MGAT4A: variants seen among roughly 807,000 people sequenced by gnomAD.
MGAT4A encodes the protein N-acetylglucosaminyltransferase IVa.
MGAT4A carries 33 observed loss-of-function variants against 74.1 expected under a neutral mutation model. The ratio of observed to expected loss-of-function variants is 0.45; its 90% CI spans 0.34 to 0.60. MGAT4A has a LOEUF of 0.60. Among genes scored for constraint, MGAT4A ranks in the 20% least tolerant of loss-of-function variants. MGAT4A has a pLI of 0.02. For synonymous variants in MGAT4A, 198 were observed against 210.4 expected (o/e 0.94, Z 0.51); for missense variants, 479 against 628.3 (o/e 0.76, Z 2.54).
chr2:98,671,943 C>CAAAAAA lies in MGAT4A; in HGVS notation c.403+3086_403+3091dup, dbSNP rs59955000. Among the ~76,000 whole-genome samples the CAAAAAA allele has an allele frequency of 2.4e-4, 7 of 28,636 alleles. 1 individual carries two copies. The highest frequency in any genetic ancestry group is 4.5e-4 in the Non-Finnish European group (7 of 15,530). The allele number at this position is 28,636 out of a possible 152,430, so 18.8% of individuals were successfully genotyped here. ...AGGCCACAAAGTAATGTGGAAAAGG[C>CAAAAAA]AAAAAAAAAAAAAAAAAAAAAAAAA... On this transcript the variant is annotated intron_variant, in intron 4 of 15. Transcript: ENST00000393487.
At chr2:98,642,785 G>A (rs970795035) in intron 10 of MGAT4A, among the ~76,000 whole-genome samples, 1 of 152,192 alleles carries the variant, frequency 6.6e-6, no homozygotes, top group Non-Finnish European at 1.5e-5. Flanking sequence ...TCGGAAAACA[G>A]ATACTCTGCC....
intron 12 of MGAT4A, among the ~76,000 whole-genome samples, chr2:98,637,121 G>GCAA (rs1701334306): frequency 6.6e-6 from 1 of 151,990 alleles, no homozygotes; most frequent in Non-Finnish European, 1.5e-5. Flanking sequence ...ACCAGCCTGG[G>GCAA]CAACACAGTG....
chr2:98,640,109 T>C lies in MGAT4A; in HGVS notation c.1128+12A>G, dbSNP rs1440266759. On this transcript the variant is annotated intron_variant, in intron 11 of 15. Coordinates refer to ENST00000393487, the MANE Select transcript of MGAT4A (RefSeq NM_012214.3). ...TTGTATGTTCATGAGAAAATAAAATTAAGTCACCAACCGTGAGTTTTTGGA... is the reference window on the plus strand; with the variant it reads ...TTGTATGTTCATGAGAAAATAAAATCAAGTCACCAACCGTGAGTTTTTGGA... The C allele has an allele frequency of 6.3e-7, 1 of 1,590,250 alleles. No individual in the cohort carries two copies. The highest frequency in any genetic ancestry group is 1.4e-5 in the African/African-American group (1 of 73,644).
chr2:98,627,645 G>A (rs553007627), intron 14 of MGAT4A, among the ~76,000 whole-genome samples: 1 of 152,228 alleles, frequency 6.6e-6, no homozygotes, highest in South Asian at 2.1e-4. Context: ...CAAAGTGCTG[G>A]GCTCACAAGC....
At chr2:98,643,717 T>C (rs1575247164) in intron 10 of MGAT4A, among the ~76,000 whole-genome samples, 2 of 152,248 alleles carry the variant, frequency 1.3e-5, no homozygotes, top group Admixed American at 1.3e-4. Flanking sequence ...ATTTAAAGAA[T>C]GTACGTCATC....
Position 98,620,976 on chromosome 2 carries a change from A to G in MGAT4A, c.*4590T>C, listed in dbSNP as rs4851146. The G allele has an allele frequency of 0.26, 40,142 of 152,754 alleles. 5,322 individuals carry two copies. The highest frequency in any genetic ancestry group is 0.35 in the Middle Eastern group (106 of 300). The allele number at this position is 152,754 out of a possible 1,614,324, so 9.5% of individuals were successfully genotyped here. A position where few individuals can be genotyped will look rare whatever the true frequency, so the allele number is the denominator to read the frequency against. On this transcript the variant is annotated 3_prime_UTR_variant, in exon 16 of 16. Coordinates refer to ENST00000393487, the MANE Select transcript of MGAT4A (RefSeq NM_012214.3). ...GATCTCTGGCGAGAACATCCCCAAC[A>G]AGGTCCAGGTACATGACTTGCTACT...
intron 14 of MGAT4A, among the ~76,000 whole-genome samples, chr2:98,627,989 G>C (rs1432045596): frequency 6.6e-6 from 1 of 152,076 alleles, no homozygotes; most frequent in Non-Finnish European, 1.5e-5. Flanking sequence ...ATAACCATAG[G>C]CTTTAAATAC....
intron 8 of MGAT4A, among the ~76,000 whole-genome samples, chr2:98,646,353 C>T (rs1283738735): frequency 6.6e-6 from 1 of 152,032 alleles, no homozygotes; most frequent in Non-Finnish European, 1.5e-5. Context: ...CCTCAATGAT[C>T]GATTCCAGAT....
chr2:98,654,486 A>AAATAGTTGT (rs1701630100), intron 8 of MGAT4A, among the ~76,000 whole-genome samples: 1 of 152,134 alleles, frequency 6.6e-6, no homozygotes, highest in South Asian at 2.1e-4. Flanking sequence ...CAACACACAA[A>AAATAGTTGT]AATAGTTGTA....
rs765728973 is a variant in MGAT4A at position 98,675,120 on chromosome 2, T to C, written c.318A>G (p.Pro106=). The C allele has an allele frequency of 2.7e-5, 43 of 1,612,612 alleles. No homozygotes were observed. The highest frequency in any genetic ancestry group is 2.3e-4 in the South Asian group (21 of 90,832). Residue 106 remains proline (P), a synonymous_variant, in exon 4 of 16, where the codon CCA becomes CCG. Coordinates refer to ENST00000393487, the MANE Select transcript of MGAT4A (RefSeq NM_012214.3). ...ELTSKKSLQV[P]SIYYHLPHLL... Reference sequence around the variant, plus strand: ...AATGAGGCAAATGATAATAAATACTTGGCACTTGAAGAGATTTTTTGCTTG... The same window carrying C: ...AATGAGGCAAATGATAATAAATACTCGGCACTTGAAGAGATTTTTTGCTTG...
At chr2:98,661,473 T>C (rs1701749383) in intron 5 of MGAT4A, among the ~76,000 whole-genome samples, 1 of 152,150 alleles carries the variant, frequency 6.6e-6, no homozygotes, top group African/African-American at 2.4e-5. Context: ...TGTGTATATA[T>C]AACTGAATAT....
intron 10 of MGAT4A, among the ~76,000 whole-genome samples, chr2:98,642,279 A>T (rs1190174759): frequency 6.6e-6 from 1 of 152,064 alleles, no homozygotes; most frequent in Non-Finnish European, 1.5e-5. Flanking sequence ...TCAGCCTGTC[A>T]CTCCAGTGGC....
chr2:98,727,771 T>C (rs1418518966), intron 1 of MGAT4A, among the ~76,000 whole-genome samples: 1 of 152,176 alleles, frequency 6.6e-6, no homozygotes, highest in African/African-American at 2.4e-5. Flanking sequence ...AAATTCCCCC[T>C]AGTAAAGAAA....
In MGAT4A at chr2:98,625,064, C is replaced by T. The variant is rs1701124302; in HGVS notation, c.*502G>A. 3.1e-5 allele frequency: 30 copies of T among 978,422 alleles called. No individual in the cohort carries two copies. Among genetic ancestry groups the T allele is most frequent in the Non-Finnish European group, 3.6e-5 (30 of 823,488 alleles). The allele number at this position is 978,422 out of a possible 1,614,324, so 60.6% of individuals were successfully genotyped here. A position where few individuals can be genotyped will look rare whatever the true frequency, so the allele number is the denominator to read the frequency against. ...GGAAACTGGTTTTCAAAAAAAGTATCGATTCAAAAATCTACTGCACAAAAA... is the reference window on the plus strand; with the variant it reads ...GGAAACTGGTTTTCAAAAAAAGTATTGATTCAAAAATCTACTGCACAAAAA... On this transcript the variant is annotated 3_prime_UTR_variant, in exon 16 of 16. Coordinates refer to ENST00000393487, the MANE Select transcript of MGAT4A (RefSeq NM_012214.3).
rs1285977328 is a variant in MGAT4A at position 98,623,539 on chromosome 2, A to G, written c.*2027T>C. ...AAAAGGTTATTCCTGTTTTTGAATG[A>G]AATTTGCTCATGGGCACTGGGCCAA... is the stretch of plus-strand genomic sequence containing the variant. On this transcript the variant is annotated 3_prime_UTR_variant, in exon 16 of 16. Coordinates refer to ENST00000393487, the MANE Select transcript of MGAT4A (RefSeq NM_012214.3). 1.0e-6 allele frequency: 1 copy of G among 985,320 alleles called. No homozygotes were observed. Among genetic ancestry groups the G allele is most frequent in the African/African-American group, 1.7e-5 (1 of 57,228 alleles). 61.0% of individuals were successfully genotyped at this position (985,320 alleles called of 1,614,324 possible). A position where few individuals can be genotyped will look rare whatever the true frequency, so the allele number is the denominator to read the frequency against.
chr2:98,701,146 C>T (rs970192594), intron 2 of MGAT4A, among the ~76,000 whole-genome samples: 2 of 152,294 alleles, frequency 1.3e-5, no homozygotes, highest in South Asian at 2.1e-4. Flanking sequence ...CCTTGGATCA[C>T]ATGCTCAGAA....
Position 98,624,613 on chromosome 2 carries a change from C to T in MGAT4A, c.*953G>A, listed in dbSNP as rs1701117127. ...TTTGTCTGACGTCATAAAATGAGTGCAGATATAAAAGAATCAACAGCAGAT... is the reference window on the plus strand; with the variant it reads ...TTTGTCTGACGTCATAAAATGAGTGTAGATATAAAAGAATCAACAGCAGAT... On this transcript the variant is annotated 3_prime_UTR_variant, in exon 16 of 16. Transcript: ENST00000393487. 1 of 984,824 alleles carries T rather than the reference C, an allele frequency of 1.0e-6. No individual in the cohort carries two copies. Among genetic ancestry groups the T allele is most frequent in the African/African-American group, 1.7e-5 (1 of 57,270 alleles). 61.0% of individuals were successfully genotyped at this position (984,824 alleles called of 1,614,324 possible).
chr2:98,714,224 C>CT (rs981839517), intron 2 of MGAT4A, among the ~76,000 whole-genome samples: 2 of 152,098 alleles, frequency 1.3e-5, no homozygotes. Flanking sequence ...AACAGCTGGA[C>CT]TACAGGCACA....
In MGAT4A at chr2:98,700,733, G is replaced by A. The variant is rs1238560862; in HGVS notation, c.95-22262C>T. ...TGGCAAAACCCCATCTCTACTAAAA[G>A]TACAAAAATTAGCCAGCCGTGGTGG... On this transcript the variant is annotated intron_variant, in intron 2 of 15. Transcript: ENST00000393487. Among the ~76,000 whole-genome samples the A allele has an allele frequency of 3.3e-5, 5 of 151,928 alleles. No homozygotes were observed. In the East Asian group the frequency reaches 9.7e-4, roughly 30 times the overall value.
Sources: gnomAD v4.1 joint callset for allele counts (sites outside exome capture counted in the v4.1 genomes callset) on GRCh38, gnomAD v4.1.1 for gene constraint, MANE v1.5 for transcripts, NCBI Gene and HGNC (gene_info 2026-07-23, HGNC 2026-07-21) for gene names.